TP53INP1: variants seen among roughly 807,000 people sequenced by gnomAD.
TP53INP1 encodes tumor protein p53-inducible nuclear protein 1.
TP53INP1 carries 12 observed loss-of-function variants against 21.0 expected under a neutral mutation model. That is an observed-to-expected ratio of 0.57 (90% confidence interval 0.37 to 0.93). The LOEUF is 0.93. Among genes scored for constraint, TP53INP1 ranks in the 40% least tolerant of loss-of-function variants. The pLI, the probability that TP53INP1 is intolerant of heterozygous loss-of-function variation, is 0.01. For synonymous variants in TP53INP1, 91 were observed against 94.8 expected (o/e 0.96, Z 0.23); for missense variants, 274 against 294.7 (o/e 0.93, Z 0.51).
intron 3 of TP53INP1, among the ~76,000 whole-genome samples, chr8:94,937,554 G>C (rs944640452): frequency 2.6e-5 from 4 of 152,088 alleles, no homozygotes; most frequent in African/African-American, 7.2e-5. Flanking sequence ...ATGGGGAGGA[G>C]GATGCTGGCA....
chr8:94,941,048 G>C lies in TP53INP1; in HGVS notation c.-107C>G. The C allele has an allele frequency of 2.7e-6, 2 of 752,216 alleles. No homozygotes were observed. Among genetic ancestry groups the C allele is most frequent in the Non-Finnish European group, 4.4e-6 (2 of 453,686 alleles). 46.6% of individuals were successfully genotyped at this position (752,216 alleles called of 1,614,324 possible). A position where few individuals can be genotyped will look rare whatever the true frequency, so the allele number is the denominator to read the frequency against. Reference sequence around the variant, plus strand: ...ACCGACAGGAGATTAAAGTGCACAGGGTGCTTATTCAACTTAGGTGAAAAG... The same window carrying C: ...ACCGACAGGAGATTAAAGTGCACAGCGTGCTTATTCAACTTAGGTGAAAAG... On this transcript the variant is annotated 5_prime_UTR_variant, in exon 2 of 4. Transcript: ENST00000342697.
rs746702622 is a variant in TP53INP1, at chr8:94,940,038, T to C, written c.295A>G (p.Thr99Ala). The C allele has an allele frequency of 2.0e-5, 33 of 1,613,952 alleles. No homozygotes were observed. In the Admixed American group the frequency reaches 5.5e-4, roughly 27 times the overall value. The stretch of plus-strand genomic sequence containing the variant: ...CCTGCAGTAAAACATGGGGGTGGGG[T>C]GATAAACCAGCTCTCCTCCATTGGA... ...SCPMEESWFI[T>A]PPPCFTAGGL... Residue 99 changes from threonine (T) to alanine (A), a missense_variant, in exon 3 of 4, where the codon ACC becomes GCC. Thr to Ala is a moderately conservative substitution (Grantham distance 58). Transcript: ENST00000342697.
At position 94,933,395 on chromosome 8, in the gene TP53INP1, A is replaced by AG. The variant is rs557468570; in HGVS notation, c.474-2668dup. Among the ~76,000 whole-genome samples, 398 of 152,282 alleles carry AG rather than the reference A, an allele frequency of 2.6e-3. 2 individuals carry two copies. Among genetic ancestry groups the AG allele is most frequent in the African/African-American group, 9.2e-3 (381 of 41,536 alleles). On this transcript the variant is annotated intron_variant, in intron 3 of 3. Coordinates refer to ENST00000342697, the MANE Select transcript of TP53INP1 (RefSeq NM_033285.4). ...AACAACCTTGAAAAAGAAGGAAGGA[A>AG]GAAGAAGGAAGAAAGAAGAAGAAAT...
At chr8:94,931,613 A>ATATAT (rs1563721230) in intron 3 of TP53INP1, among the ~76,000 whole-genome samples, 6 of 46,030 alleles carry the variant, frequency 1.3e-4, no homozygotes, top group Non-Finnish European at 2.7e-4. Context: ...CACACACATA[A>ATATAT]AATTTTTTTA....
At chr8:94,939,707 T>C (rs201622879) in intron 3 of TP53INP1, 153 bp downstream of exon 3, 1 of 1,119,976 alleles carries the variant, frequency 8.9e-7, no homozygotes, top group South Asian at 1.4e-5. Flanking sequence ...CAACAAGTTA[T>C]CTTACGGACC....
chr8:94,931,605 C>CAT (rs141760825), intron 3 of TP53INP1, among the ~76,000 whole-genome samples: 11 of 149,028 alleles, frequency 7.4e-5, no homozygotes, highest in East Asian at 1.9e-4. Flanking sequence ...CACACACACA[C>CAT]ACACATAAAA....
intron 3 of TP53INP1, among the ~76,000 whole-genome samples, chr8:94,931,593 C>T (rs1820399592): frequency 2.0e-5 from 1 of 49,150 alleles, no homozygotes; most frequent in South Asian, 9.7e-4. Flanking sequence ...TTATTACACA[C>T]ACACACACAC....
intron 3 of TP53INP1, among the ~76,000 whole-genome samples, chr8:94,934,547 G>A (rs1405424106): frequency 6.6e-6 from 1 of 151,794 alleles, no homozygotes; most frequent in East Asian, 1.9e-4. Context: ...CAGCAAGCCT[G>A]GCTAATTTTT....
intron 3 of TP53INP1, among the ~76,000 whole-genome samples, chr8:94,931,609 C>CACACACATATATAT (rs146282014): frequency 6.6e-6 from 1 of 151,562 alleles, no homozygotes; most frequent in Non-Finnish European, 1.5e-5. Context: ...CACACACACA[C>CACACACATATATAT]ATAAAATTTT....
intron 3 of TP53INP1, among the ~76,000 whole-genome samples, chr8:94,937,562 G>A (rs1430861603): frequency 2.0e-5 from 3 of 152,142 alleles, no homozygotes; most frequent in Non-Finnish European, 4.4e-5. Context: ...GAGGATGCTG[G>A]CATGACTTAT....
Position 94,940,146 on chromosome 8 carries a change from G to A in TP53INP1, c.187C>T (p.Pro63Ser), listed in dbSNP as rs768358483. 6.2e-7 allele frequency: 1 copy of A among 1,614,098 alleles called. No individual in the cohort carries two copies. The highest frequency in any genetic ancestry group is 8.5e-7 in the Non-Finnish European group (1 of 1,180,008). ...DISEESPTEH[P>S]SVFSCLPASL... ...GCCGGTAAACAGGAAAAGACTGAAG[G>A]GTGCTCAGTAGGTGACTCTTCACTG... is the stretch of plus-strand genomic sequence containing the variant. The change falls in exon 3 of 4, where the codon CCT becomes TCT. Residue 63 changes from proline (P) to serine (S), a missense_variant. Physicochemically the swap from Pro to Ser is moderately conservative, Grantham distance 74. Transcript: ENST00000342697.
Position 94,946,282 on chromosome 8 carries a change from G to A in TP53INP1, c.-151+2872C>T, listed in dbSNP as rs928146104. 9.9e-5 allele frequency among the ~76,000 whole-genome samples: 15 copies of A among 152,070 alleles called. No individual in the cohort carries two copies. The South Asian group carries it at 1.5e-3, about 15-fold the overall frequency. ...GTGGCTGACTGAGTCTAATACTCAC[G>A]GGGAAGAGCATTCTAGTTTGACCAC... On this transcript the variant is annotated intron_variant, in intron 1 of 3. Coordinates refer to ENST00000342697, the MANE Select transcript of TP53INP1 (RefSeq NM_033285.4).
rs779578273 is a variant in TP53INP1 at position 94,940,220 on chromosome 8, TC to T, written c.113-1del. ...TTCTGCTGAGAAACCAGTGCAAGTA[TC>T]TAGATCGTAGTCCACATTGCAGTCC... is the stretch of plus-strand genomic sequence containing the variant. On this transcript the variant is annotated splice_acceptor_variant, in intron 2 of 3. Transcript: ENST00000342697. LOFTEE classifies it high-confidence loss of function. 2.5e-5 allele frequency: 40 copies of T among 1,603,834 alleles called. No homozygotes were observed. The African/African-American group carries it at 3.6e-4, about 14-fold the overall frequency.
rs1285922513 is a variant in TP53INP1 at position 94,949,258 on chromosome 8, G to C, written c.-255C>G. 1 of 150,776 alleles carries C rather than the reference G, an allele frequency of 6.6e-6. No homozygotes were observed. Among genetic ancestry groups the C allele is most frequent in the Non-Finnish European group, 1.5e-5 (1 of 67,514 alleles). 9.3% of individuals were successfully genotyped at this position (150,776 alleles called of 1,614,324 possible). On this transcript the variant is annotated 5_prime_UTR_variant, in exon 1 of 4. Coordinates refer to ENST00000342697, the MANE Select transcript of TP53INP1 (RefSeq NM_033285.4). ...CTGCTGAGGTAGCTGCGGTGGGGCC[G>C]GGCTGCGCTGCACCTCGTTCAGGTA...
intron 3 of TP53INP1, among the ~76,000 whole-genome samples, chr8:94,931,722 C>G (rs911460184): frequency 6.6e-6 from 1 of 152,116 alleles, no homozygotes; most frequent in Non-Finnish European, 1.5e-5. Context: ...CTCTTGTAAT[C>G]CCAACACTTT....
In TP53INP1 at chr8:94,939,964, GAGA is replaced by G; in HGVS notation, c.366_368del (p.Leu123del). On this transcript the variant is annotated inframe_deletion, in exon 3 of 4. Coordinates refer to ENST00000342697, the MANE Select transcript of TP53INP1 (RefSeq NM_033285.4). ...AGACAGACATGCTGGGATGTTCAAT[GAGA>G]AGGTTTTCCATAGGACTTGTTTCCA... 1.2e-6 allele frequency: 2 copies of G among 1,614,152 alleles called. No individual in the cohort carries two copies. Among genetic ancestry groups the G allele is most frequent in the Non-Finnish European group, 1.7e-6 (2 of 1,180,030 alleles).
At chr8:94,932,747 G>A (rs1405085935) in intron 3 of TP53INP1, among the ~76,000 whole-genome samples, 5 of 152,154 alleles carry the variant, frequency 3.3e-5, no homozygotes, top group African/African-American at 1.2e-4. Flanking sequence ...AGCTTGCAGT[G>A]AGCCGAGATA....
In TP53INP1 at chr8:94,934,105, A is replaced by G. The variant is rs528041888; in HGVS notation, c.474-3377T>C. Among the ~76,000 whole-genome samples, 7 of 151,148 alleles carry G rather than the reference A, an allele frequency of 4.6e-5. No individual in the cohort carries two copies. The South Asian group carries it at 6.4e-4, about 14-fold the overall frequency. ...AAAAAAAAAAAGAAGTATATATGGC[A>G]TGTTGCCATTTAGGTTAAAAGTTTA... On this transcript the variant is annotated intron_variant, in intron 3 of 3. Coordinates refer to ENST00000342697, the MANE Select transcript of TP53INP1 (RefSeq NM_033285.4).
intron 3 of TP53INP1, among the ~76,000 whole-genome samples, chr8:94,937,813 C>G (rs1394259218): frequency 2.0e-5 from 3 of 151,978 alleles, no homozygotes; most frequent in Non-Finnish European, 4.4e-5. Flanking sequence ...AAACTGGAGC[C>G]AACAACGAAT....
Sources: gnomAD v4.1 joint callset for allele counts (sites outside exome capture counted in the v4.1 genomes callset) on GRCh38, gnomAD v4.1.1 for gene constraint, MANE v1.5 for transcripts, NCBI Gene and HGNC (gene_info 2026-07-23, HGNC 2026-07-21) for gene names.